Variants in RANBP2 observed in about 807,000 individuals in gnomAD.
The protein encoded by RANBP2 is E3 SUMO-protein ligase RanBP2.
RANBP2 carries 57 observed loss-of-function variants against 303.6 expected under a neutral mutation model. That is an observed-to-expected ratio of 0.19 (90% confidence interval 0.15 to 0.23). The LOEUF (loss-of-function observed/expected upper bound fraction) is 0.23. Among genes scored for constraint, RANBP2 ranks in the 10% least tolerant of loss-of-function variants. The pLI, the probability that RANBP2 is intolerant of heterozygous loss-of-function variation, is 1.00. For synonymous variants in RANBP2, 1,167 were observed against 1,301.5 expected (o/e 0.90, Z 2.23); for missense variants, 3,138 against 3,780.8 (o/e 0.83, Z 4.46).
chr2:109,082,088 C>T, the RANBP2 span, among the ~76,000 whole-genome samples: 1 of 152,226 alleles, frequency 6.6e-6, no homozygotes, highest in Non-Finnish European at 1.5e-5. Context: ...GTGCTCTACC[C>T]ATGCTTCAGC....
the RANBP2 span, among the ~76,000 whole-genome samples, chr2:109,005,279 A>T: frequency 6.6e-6 from 1 of 152,176 alleles, no homozygotes; most frequent in African/African-American, 2.4e-5. Context: ...AAATACTGGG[A>T]ATTCATTCCC....
the RANBP2 span, among the ~76,000 whole-genome samples, chr2:108,861,453 A>G: frequency 1.4e-5 from 2 of 144,894 alleles, no homozygotes; most frequent in Non-Finnish European, 3.0e-5. Context: ...GTAGACATTT[A>G]GCACTATAAA....
intron 22 of RANBP2, 133 bp downstream of exon 22, chr2:108,772,714 A>T: frequency 2.5e-6 from 3 of 1,207,334 alleles, no homozygotes; most frequent in Non-Finnish European, 3.5e-6. Context: ...TAAAACTAAC[A>T]GGTGAAAATA....
the RANBP2 span, among the ~76,000 whole-genome samples, chr2:109,146,238 C>T: frequency 6.6e-6 from 1 of 152,144 alleles, no homozygotes; most frequent in Non-Finnish European, 1.5e-5. Flanking sequence ...TTAGTTCTGG[C>T]TGCTCTTATA....
the RANBP2 span, among the ~76,000 whole-genome samples, chr2:108,925,111 C>T: frequency 2.6e-5 from 4 of 151,280 alleles, no homozygotes; most frequent in East Asian, 4.0e-4. Context: ...CTGGGAGGCC[C>T]TCCAGGGCAA....
the RANBP2 span, among the ~76,000 whole-genome samples, chr2:109,278,723 G>C: frequency 5.9e-5 from 9 of 152,210 alleles, no homozygotes; most frequent in Admixed American, 5.2e-4. Context: ...ATGTCTTCAT[G>C]GTGAAAGGCA....
chr2:109,245,576 T>C, the RANBP2 span, among the ~76,000 whole-genome samples: 1 of 152,254 alleles, frequency 6.6e-6, no homozygotes, highest in East Asian at 1.9e-4. Flanking sequence ...GACATGTTAT[T>C]ATAGGAACTT....
the RANBP2 span, chr2:108,839,116 G>T: frequency 1.4e-6 from 2 of 1,436,654 alleles, no homozygotes; most frequent in Non-Finnish European, 1.8e-6. Flanking sequence ...TTGGAAAATT[G>T]TGGTAATTGA....
the RANBP2 span, among the ~76,000 whole-genome samples, chr2:109,227,460 A>G: frequency 6.6e-6 from 1 of 152,254 alleles, no homozygotes; most frequent in Admixed American, 6.5e-5. Flanking sequence ...ATGCGACTGG[A>G]GTTATGAGGA....
chr2:108,768,831 G>T (rs1466104079), intron 20 of RANBP2, among the ~76,000 whole-genome samples: 2 of 152,056 alleles, frequency 1.3e-5, no homozygotes, highest in Admixed American at 6.6e-5. Context: ...TCAAGAGTTC[G>T]AGACCAGCCT....
the RANBP2 span, among the ~76,000 whole-genome samples, chr2:109,100,809 T>C: frequency 6.6e-6 from 1 of 152,158 alleles, no homozygotes; most frequent in Admixed American, 6.5e-5. Context: ...CAGAAATTCA[T>C]GGTTTAAAGA....
chr2:109,524,453 AAAAAAAAAAAAAAC>A, the RANBP2 span, among the ~76,000 whole-genome samples: 1 of 68,830 alleles, frequency 1.5e-5, no homozygotes, highest in South Asian at 5.6e-4. Flanking sequence ...TCAAAAAAAA[AAAAAAAAAAAAAAC>A]AAAACAACAC....
At chr2:108,736,021 GAA>G (rs1695554081) in intron 5 of RANBP2, 81 bp from the exon 6 acceptor site, 15 of 1,610,428 alleles carry the variant, frequency 9.3e-6, no homozygotes, top group Non-Finnish European at 1.3e-5. Flanking sequence ...GTTGGAGTGA[GAA>G]AAGGAATTTG....
the RANBP2 span, among the ~76,000 whole-genome samples, chr2:109,102,468 T>C: frequency 6.6e-6 from 1 of 151,690 alleles, no homozygotes; most frequent in South Asian, 2.1e-4. Context: ...AAAACTAAAA[T>C]AAAAGCATCG....
the RANBP2 span, among the ~76,000 whole-genome samples, chr2:109,380,146 A>G: frequency 1.3e-5 from 2 of 152,144 alleles, no homozygotes; most frequent in Non-Finnish European, 2.9e-5. Flanking sequence ...ATGGGTGTTC[A>G]TTGTAGTTTG....
chr2:108,726,635 T>A (rs901109601), intron 1 of RANBP2, among the ~76,000 whole-genome samples: 12 of 152,038 alleles, frequency 7.9e-5, no homozygotes, highest in South Asian at 4.2e-4. Flanking sequence ...TATTATTATT[T>A]TTTTAATTTA....
At chr2:109,613,732 G>A in the RANBP2 span, 3 of 1,082,790 alleles carry the variant, frequency 2.8e-6, no homozygotes, top group Non-Finnish European at 1.2e-6. Flanking sequence ...CCGGTGGGTC[G>A]AGGGCGGGAA....
chr2:109,312,929 A>G, the RANBP2 span, among the ~76,000 whole-genome samples: 1 of 152,130 alleles, frequency 6.6e-6, no homozygotes, highest in Non-Finnish European at 1.5e-5. Context: ...GGTGTACGTT[A>G]TTGAAGAGCC....
At chr2:109,547,616 G>A in the RANBP2 span, among the ~76,000 whole-genome samples, 1 of 152,024 alleles carries the variant, frequency 6.6e-6, no homozygotes, top group South Asian at 2.1e-4. Context: ...TTTGGGGCAG[G>A]CCTTTTAATT....
Sources: gnomAD v4.1 joint callset for allele counts (sites outside exome capture counted in the v4.1 genomes callset) on GRCh38, gnomAD v4.1.1 for gene constraint, MANE v1.5 for transcripts, NCBI Gene and HGNC (gene_info 2026-07-23, HGNC 2026-07-21) for gene names.